SPAG16: variants seen among roughly 807,000 people sequenced by gnomAD.
The protein encoded by SPAG16 is sperm associated antigen 16, also known as sperm-associated antigen 16 protein.
Under a neutral mutation model 80.4 loss-of-function variants are expected in SPAG16, and 86 were observed. The ratio of observed to expected loss-of-function variants is 1.07; its 90% confidence interval spans 0.90 to 1.28. The LOEUF (loss-of-function observed/expected upper bound fraction) is 1.28. Ranked by LOEUF, SPAG16 falls within the 50% of genes most tolerant of loss-of-function variation. The pLI is 0.00. For synonymous variants in SPAG16, 294 were observed against 265.9 expected, an observed-to-expected ratio of 1.11 and a Z score of -1.03; for missense variants, 870 against 765.3, an observed-to-expected ratio of 1.14 and a Z score of -1.61.
intron 15 of SPAG16, among the ~76,000 whole-genome samples, chr2:214,343,101 C>T (rs1298678825): frequency 6.6e-6 from 1 of 151,768 alleles, no homozygotes; most frequent in Non-Finnish European, 1.5e-5. Context: ...CCAAAAATGC[C>T]ATGTTACAAA....
intron 10 of SPAG16, among the ~76,000 whole-genome samples, chr2:213,814,968 G>A (rs1486011044): frequency 1.3e-5 from 2 of 151,780 alleles, no homozygotes; most frequent in African/African-American, 4.8e-5. Context: ...TATAGTAGGA[G>A]ACTTTAACAA....
intron 13 of SPAG16, among the ~76,000 whole-genome samples, chr2:214,100,240 A>G (rs2125363784): frequency 6.6e-6 from 1 of 152,186 alleles, no homozygotes; most frequent in Middle Eastern, 3.4e-3. Flanking sequence ...AGGAAAATTA[A>G]ACCTTTTTTC....
intron 15 of SPAG16, among the ~76,000 whole-genome samples, chr2:214,325,861 T>C (rs1696440497): frequency 6.6e-6 from 1 of 152,154 alleles, no homozygotes; most frequent in Admixed American, 6.5e-5. Context: ...GAAAAGTAAC[T>C]TCCATTTTTG....
chr2:214,258,854 A>C (rs890708725), intron 15 of SPAG16, among the ~76,000 whole-genome samples: 1 of 151,928 alleles, frequency 6.6e-6, no homozygotes, highest in Non-Finnish European at 1.5e-5. Context: ...TTTTAATTTC[A>C]GATATGGTTC....
At chr2:214,338,419 C>T (rs1302237338) in intron 15 of SPAG16, among the ~76,000 whole-genome samples, 1 of 152,044 alleles carries the variant, frequency 6.6e-6, no homozygotes, top group African/African-American at 2.4e-5. Flanking sequence ...GAGGCTGAGG[C>T]AAAGAATCAT....
chr2:214,186,357 T>G (rs2057473213), intron 15 of SPAG16, among the ~76,000 whole-genome samples: 1 of 152,092 alleles, frequency 6.6e-6, no homozygotes, highest in African/African-American at 2.4e-5. Context: ...TTACTCTGAG[T>G]TTTTCCTTCT....
intron 10 of SPAG16, among the ~76,000 whole-genome samples, chr2:213,752,633 C>G (rs2068127678): frequency 6.6e-6 from 1 of 152,218 alleles, no homozygotes; most frequent in Non-Finnish European, 1.5e-5. Flanking sequence ...TGACATTCCT[C>G]TGTTGCCTTG....
At chr2:213,942,527 G>A (rs549548431) in intron 12 of SPAG16, among the ~76,000 whole-genome samples, 1 of 152,192 alleles carries the variant, frequency 6.6e-6, no homozygotes, top group East Asian at 1.9e-4. Context: ...ATGTTGCCTC[G>A]GTATTTCTTC....
At chr2:213,857,939 A>G (rs2075248422) in intron 10 of SPAG16, among the ~76,000 whole-genome samples, 1 of 152,214 alleles carries the variant, frequency 6.6e-6, no homozygotes, top group Non-Finnish European at 1.5e-5. Flanking sequence ...AGGAAGTCAC[A>G]TCAGATGTGA....
At chr2:213,597,048 T>G in intron 10 of SPAG16, among the ~76,000 whole-genome samples, 1 of 152,162 alleles carries the variant, frequency 6.6e-6, no homozygotes, top group Admixed American at 6.5e-5. Context: ...ACTGGCTTTT[T>G]AAACAGGCAC....
At chr2:213,681,645 G>C (rs964287468) in intron 10 of SPAG16, among the ~76,000 whole-genome samples, 6 of 152,030 alleles carry the variant, frequency 3.9e-5, no homozygotes, top group African/African-American at 1.2e-4. Context: ...AACAAAACAT[G>C]GCTAAATAAA....
chr2:214,280,971 T>G, intron 15 of SPAG16: 1 of 448,976 alleles, frequency 2.2e-6, no homozygotes, highest in Non-Finnish European at 4.3e-6. Context: ...GCTTTCAGAA[T>G]CATAACCGGG....
intron 13 of SPAG16, among the ~76,000 whole-genome samples, chr2:214,026,996 A>G (rs1178214781): frequency 6.6e-6 from 1 of 151,616 alleles, no homozygotes; most frequent in Non-Finnish European, 1.5e-5. Context: ...TTGTATATCT[A>G]AAGTTTCATC....
At chr2:214,101,398 C>T (rs780760946) in intron 13 of SPAG16, among the ~76,000 whole-genome samples, 8 of 152,014 alleles carry the variant, frequency 5.3e-5, no homozygotes, top group Non-Finnish European at 1.0e-4. Context: ...GATCTCTCAG[C>T]CATGACCTTG....
chr2:214,286,814 G>T (rs1454534798), intron 15 of SPAG16, among the ~76,000 whole-genome samples: 5 of 152,124 alleles, frequency 3.3e-5, no homozygotes, highest in Non-Finnish European at 1.5e-5. Context: ...TTCTCTGGCT[G>T]CATTAGAATC....
At chr2:213,522,875 G>A (rs1353093637) in intron 10 of SPAG16, among the ~76,000 whole-genome samples, 1 of 148,550 alleles carries the variant, frequency 6.7e-6, no homozygotes, top group Non-Finnish European at 1.5e-5. Context: ...ATATGTTTTA[G>A]GCATTTTAGA....
At position 213,477,667 on chromosome 2, in the gene SPAG16, C is replaced by A. The variant is rs188445822; in HGVS notation, c.943-12296C>A. On this transcript the variant is annotated intron_variant, in intron 9 of 15. Transcript: ENST00000331683. ...AGCATTTATTCAATGTCTGTACTCC[C>A]ATTGTACCTAGGAAATAACTAACTT... is the stretch of plus-strand genomic sequence containing the variant. Among the ~76,000 whole-genome samples the A allele has an allele frequency of 4.3e-3, 656 of 152,268 alleles. 3 individuals are homozygous for A. Among genetic ancestry groups the A allele is most frequent in the Non-Finnish European group, 7.2e-3 (490 of 68,026 alleles).
chr2:213,898,665 A>G (rs144953005), intron 11 of SPAG16, among the ~76,000 whole-genome samples: 3 of 152,264 alleles, frequency 2.0e-5, no homozygotes, highest in Non-Finnish European at 4.4e-5. Flanking sequence ...TTTTATTTAT[A>G]CTTTAAGGAT....
At chr2:213,579,872 A>G (rs1367596262) in intron 10 of SPAG16, among the ~76,000 whole-genome samples, 5 of 152,118 alleles carry the variant, frequency 3.3e-5, no homozygotes, top group Non-Finnish European at 5.9e-5. Flanking sequence ...GTGATCAACA[A>G]TCATATCAAA....
Sources: gnomAD v4.1 joint callset for allele counts (sites outside exome capture counted in the v4.1 genomes callset) on GRCh38, gnomAD v4.1.1 for gene constraint, MANE v1.5 for transcripts, NCBI Gene and HGNC (gene_info 2026-07-23, HGNC 2026-07-21) for gene names.